Variants in NUP210L observed in about 807,000 individuals in gnomAD.
NUP210L encodes the protein nucleoporin 210 like, also known as nuclear pore membrane glycoprotein 210-like.
Under a neutral mutation model 208.5 loss-of-function variants are expected in NUP210L, and 74 were observed. The ratio of observed to expected loss-of-function variants is 0.35; its 90% CI spans 0.29 to 0.43. The LOEUF is 0.43. Ranked by LOEUF, NUP210L falls within the 20% of genes least tolerant of loss-of-function variation. NUP210L has a pLI of 1.00. For missense variants in NUP210L, 1,843 were observed against 2,289.4 expected (o/e 0.81, Z 3.98); for synonymous variants, 780 against 816.9 (o/e 0.95, Z 0.77).
At chr1:154,116,120 T>C (rs374882194) in intron 12 of NUP210L, among the ~76,000 whole-genome samples, 36 of 152,032 alleles carry the variant, frequency 2.4e-4, no homozygotes, top group Middle Eastern at 3.4e-3. Context: ...CCGGGCATGG[T>C]GGCACATGCC....
chr1:154,064,408 T>C (rs1382858269), intron 17 of NUP210L, among the ~76,000 whole-genome samples: 2 of 152,182 alleles, frequency 1.3e-5, no homozygotes, highest in Non-Finnish European at 2.9e-5. Flanking sequence ...ACCTCATCTA[T>C]GCCTCGTGCC....
intron 17 of NUP210L, 80 bp downstream of exon 17, chr1:154,070,193 A>G: frequency 1.7e-6 from 2 of 1,203,614 alleles, no homozygotes; most frequent in South Asian, 3.1e-5. Context: ...TAGAACTTAA[A>G]GCAAAAAACA....
intron 16 of NUP210L, among the ~76,000 whole-genome samples, chr1:154,074,465 T>C (rs113432363): frequency 0.013 from 1,909 of 151,426 alleles, 50 homozygotes; most frequent in African/African-American, 0.044. Context: ...TCTTGTAACC[T>C]TGAGCATCAC....
At chr1:154,111,154 C>T (rs1226109889) in intron 12 of NUP210L, among the ~76,000 whole-genome samples, 2 of 150,978 alleles carry the variant, frequency 1.3e-5, no homozygotes, top group Non-Finnish European at 2.9e-5. Context: ...AGGCCAAGGC[C>T]GGGAGATCAC....
intron 27 of NUP210L, among the ~76,000 whole-genome samples, chr1:154,038,859 AAC>A (rs1390068750): frequency 1.3e-5 from 2 of 152,204 alleles, no homozygotes; most frequent in African/African-American, 2.4e-5. Context: ...TGGTTGCGTA[AAC>A]ACACAAACTA....
At position 154,138,261 on chromosome 1, in the gene NUP210L, A is replaced by G. The variant is rs560765408; in HGVS notation, c.718-23T>C. 69 of 1,523,320 alleles carry G rather than the reference A, an allele frequency of 4.5e-5. No homozygotes were observed. In the South Asian group the frequency reaches 7.8e-4, roughly 17 times the overall value. 94.4% of individuals were successfully genotyped at this position (1,523,320 alleles called of 1,614,324 possible). On this transcript the variant is annotated intron_variant, in intron 5 of 39. Transcript: ENST00000368559. The stretch of plus-strand genomic sequence containing the variant: ...TTTCTAAAAGAGGGAGGGAAGGAAA[A>G]AAAAAAACAGTTTCCATGGACGGAA...
chr1:154,061,378 A>AAATAAT lies in NUP210L; in HGVS notation c.2643+202_2643+207dup, dbSNP rs537711266. 8.0e-3 allele frequency among the ~76,000 whole-genome samples: 1,198 copies of AAATAAT among 150,128 alleles called. 11 individuals carry two copies. The highest frequency in any genetic ancestry group is 0.025 in the African/African-American group (1,042 of 40,892). ...GGGTGACAGAGCGAGACTTCATCTC[A>AAATAAT]AATAATAATAATAATAATAATAATA... On this transcript the variant is annotated intron_variant, in intron 18 of 39. Coordinates refer to ENST00000368559, the Ensembl canonical transcript of NUP210L.
At chr1:154,105,702 A>G (rs1428119194) in intron 12 of NUP210L, among the ~76,000 whole-genome samples, 1 of 152,202 alleles carries the variant, frequency 6.6e-6, no homozygotes, top group Non-Finnish European at 1.5e-5. Flanking sequence ...CAGCTCAGCC[A>G]TAGTGAGGTA....
intron 14 of NUP210L, among the ~76,000 whole-genome samples, chr1:154,096,488 C>T (rs898516666): frequency 6.6e-6 from 1 of 152,090 alleles, no homozygotes; most frequent in African/African-American, 2.4e-5. Context: ...TGGCCAGGTG[C>T]GGTAGCTCAT....
At chr1:154,046,911 A>T (rs1022275066) in intron 25 of NUP210L, among the ~76,000 whole-genome samples, 1 of 152,104 alleles carries the variant, frequency 6.6e-6, no homozygotes, top group African/African-American at 2.4e-5. Flanking sequence ...ATACAAAATT[A>T]GCTGGGTGTG....
At chr1:154,141,918 T>C (rs1274025394) in intron 3 of NUP210L, among the ~76,000 whole-genome samples, 1 of 152,076 alleles carries the variant, frequency 6.6e-6, no homozygotes, top group Non-Finnish European at 1.5e-5. Context: ...TCCCAGCACT[T>C]TGGGAGGCCA....
rs1652099130 is a variant in NUP210L at position 154,029,577 on chromosome 1, C to T, written c.3855+319G>A. Among the ~76,000 whole-genome samples, 3 of 151,898 alleles carry T rather than the reference C, an allele frequency of 2.0e-5. No homozygotes were observed. The South Asian group carries it at 6.2e-4, about 31-fold the overall frequency. ...AATTAGCTGGGCTTGGTGGCACATGCTACTCGGGAGGCTGAGGCAGGAGAA... is the reference window on the plus strand; with the variant it reads ...AATTAGCTGGGCTTGGTGGCACATGTTACTCGGGAGGCTGAGGCAGGAGAA... On this transcript the variant is annotated intron_variant, in intron 28 of 39. Coordinates refer to ENST00000368559, the Ensembl canonical transcript of NUP210L.
chr1:154,017,378 A>C (rs1408570522), intron 33 of NUP210L, among the ~76,000 whole-genome samples: 1 of 138,952 alleles, frequency 7.2e-6, no homozygotes, highest in East Asian at 2.1e-4. Flanking sequence ...ACCATCAGTC[A>C]TTTCTCAATT....
chr1:154,028,055 A>G (rs1051303031), intron 28 of NUP210L, among the ~76,000 whole-genome samples: 4 of 152,164 alleles, frequency 2.6e-5, no homozygotes, highest in African/African-American at 9.7e-5. Context: ...TTCACATGGA[A>G]TCAGAGAACC....
intron 27 of NUP210L, among the ~76,000 whole-genome samples, chr1:154,030,495 G>A (rs948884189): frequency 3.3e-5 from 5 of 151,872 alleles, no homozygotes; most frequent in East Asian, 1.9e-4. Context: ...ATGGGGTTTC[G>A]CCATGTTGCT....
chr1:154,031,920 G>A (rs910552023), intron 27 of NUP210L, among the ~76,000 whole-genome samples: 1 of 151,686 alleles, frequency 6.6e-6, no homozygotes, highest in Non-Finnish European at 1.5e-5. Flanking sequence ...TGTAGAGACC[G>A]AGTCTCACTA....
chr1:154,139,725 G>A (rs913980217), intron 5 of NUP210L, 77 bp downstream of exon 5: 11 of 983,100 alleles, frequency 1.1e-5, no homozygotes, highest in Non-Finnish European at 1.7e-5. Flanking sequence ...GTGCATTCTT[G>A]TAGTACCTGG....
At chr1:154,131,221 A>G (rs946156532) in intron 7 of NUP210L, among the ~76,000 whole-genome samples, 17 of 151,528 alleles carry the variant, frequency 1.1e-4, no homozygotes, top group South Asian at 2.1e-4. Context: ...GCAGTGAGCC[A>G]AGATGGCGCC....
At chr1:154,013,758 T>TTTTGTTTG (rs544355019) in intron 33 of NUP210L, among the ~76,000 whole-genome samples, 1 of 152,090 alleles carries the variant, frequency 6.6e-6, no homozygotes, top group Non-Finnish European at 1.5e-5. Flanking sequence ...TTGTAAGTTT[T>TTTTGTTTG]TTTGTTTGTT....
Sources: gnomAD v4.1 joint callset for allele counts (sites outside exome capture counted in the v4.1 genomes callset) on GRCh38, gnomAD v4.1.1 for gene constraint, MANE v1.5 for transcripts, NCBI Gene and HGNC (gene_info 2026-07-23, HGNC 2026-07-21) for gene names.